The following FBF1 variants were observed in gnomAD, a reference collection of about 807,000 sequenced individuals.
The protein encoded by FBF1 is Fas binding factor 1, also known as fas-binding factor 1.
In FBF1, 119 loss-of-function variants were observed where a neutral mutation model predicts 147.2. That is an observed-to-expected ratio of 0.81 (90% CI 0.70 to 0.94). The LOEUF is 0.94. Among genes scored for constraint, FBF1 ranks in the 40% least tolerant of loss-of-function variants. FBF1 has a pLI of 0.00. For missense variants in FBF1, 1,449 were observed against 1,500.8 expected, an observed-to-expected ratio of 0.97 and a Z score of 0.57; for synonymous variants, 601 against 609.0, an observed-to-expected ratio of 0.99 and a Z score of 0.19.
chr17:75,926,175 G>A lies in FBF1; in HGVS notation c.735-12C>T, dbSNP rs761294477. On this transcript the variant is annotated splice_polypyrimidine_tract_variant and intron_variant, in intron 11 of 29. Coordinates refer to ENST00000636174, the MANE Select transcript of FBF1 (RefSeq NM_001319193.2). Reference sequence around the variant, plus strand: ...GGCGAGGCCCTTCCCTGCAGGACGGGACACACGGCAGGAACGTGTAGGTAT... The same window carrying A: ...GGCGAGGCCCTTCCCTGCAGGACGGAACACACGGCAGGAACGTGTAGGTAT... The A allele has an allele frequency of 5.0e-6, 8 of 1,606,838 alleles. No homozygotes were observed. Among genetic ancestry groups the A allele is most frequent in the Non-Finnish European group, 6.8e-6 (8 of 1,177,406 alleles).
intron 1 of FBF1, among the ~76,000 whole-genome samples, chr17:75,940,179 G>A (rs2065653310): frequency 6.6e-6 from 1 of 151,416 alleles, no homozygotes; most frequent in African/African-American, 2.4e-5. Context: ...CTGACCTCGT[G>A]ATCTGCCCGT....
At chr17:75,929,945 A>AGGGGGGGGGCCCCCCCC in intron 7 of FBF1, 52 bp downstream of exon 7, 1 of 650,912 alleles carries the variant, frequency 1.5e-6, no homozygotes. Context: ...AAATATCATG[A>AGGGGGGGGGCCCCCCCC]CCCCACCCCA....
Position 75,914,202 on chromosome 17 carries a change from G to C in FBF1, c.2911C>G (p.Leu971Val). The C allele has an allele frequency of 6.3e-7, 1 of 1,590,562 alleles. No individual in the cohort carries two copies. The highest frequency in any genetic ancestry group is 8.5e-7 in the Non-Finnish European group (1 of 1,171,070). The change falls in exon 26 of 30, where the codon CTG (leucine) becomes GTG (valine). Residue 971 changes from leucine to valine, a missense_variant. Leu to Val is a conservative substitution (Grantham distance 32, BLOSUM62 1). Coordinates refer to ENST00000636174, the MANE Select transcript of FBF1 (RefSeq NM_001319193.2). ...RAALEQERQE[L>V]RLEKERINAT... is the part of the protein sequence containing the mutation. ...TTGATCCTCTCCTTCTCCAGCCGCA[G>C]CTCCTGCCGCTCCTGCTCCAGGGCT... is the stretch of plus-strand genomic sequence containing the variant.
chr17:75,921,343 G>A (rs370626804), intron 16 of FBF1, 41 bp from the exon 17 acceptor site: 29 of 1,569,076 alleles, frequency 1.8e-5, no homozygotes, highest in Non-Finnish European at 2.2e-5. Flanking sequence ...GAGGCCCAGG[G>A]CACTGGGCCT....
chr17:75,929,842 G>A (rs773362912), intron 7 of FBF1, among the ~76,000 whole-genome samples, 155 bp downstream of exon 7: 3 of 152,124 alleles, frequency 2.0e-5, no homozygotes, highest in Admixed American at 6.5e-5. Flanking sequence ...GGAGGCCAAC[G>A]GCTCACAGAC....
At chr17:75,935,760 G>C (rs1015678307) in intron 3 of FBF1, 87 bp from the exon 4 acceptor site, 52 of 1,294,668 alleles carry the variant, frequency 4.0e-5, no homozygotes, top group Non-Finnish European at 5.3e-5. Flanking sequence ...GCCAGAAGGC[G>C]TCAGACCTTT....
chr17:75,927,407 C>G, intron 9 of FBF1, 48 bp downstream of exon 9: 1 of 1,519,158 alleles, frequency 6.6e-7, no homozygotes, highest in Non-Finnish European at 9.0e-7. Flanking sequence ...TAGGCTGCTC[C>G]ACTCCCAAAC....
intron 25 of FBF1, 31 bp downstream of exon 25, chr17:75,914,716 C>T (rs1338348757): frequency 3.3e-6 from 5 of 1,511,988 alleles, no homozygotes; most frequent in Non-Finnish European, 4.4e-6. Context: ...CAACCCTGGG[C>T]CCTCCACTGT....
chr17:75,914,442 G>C (rs1487792121), intron 25 of FBF1, 144 bp from the exon 26 acceptor site: 1 of 1,304,346 alleles, frequency 7.7e-7, no homozygotes, highest in Non-Finnish European at 1.0e-6. Flanking sequence ...AGAGAAGCCT[G>C]GGGCCAAGCC....
Position 75,918,205 on chromosome 17 carries a change from C to T in FBF1, c.2203G>A (p.Asp735Asn). Residue 735 changes from aspartate to asparagine, a missense_variant, in exon 21 of 30, where the codon GAC (aspartate) becomes AAC (asparagine). Physicochemically the swap from Asp to Asn is conservative, Grantham distance 23. Transcript: ENST00000636174. This position sits in a 1 kb window ranked among gnomAD's most constrained non-coding sequence, Gnocchi z 5.8. ...CTGGTGGCCGCATCGACCTCTCGGT[C>T]CTTCAGCAGCTTTAGCCGCTGCAGC... ...EQLQRLKLLK[D>N]REVDAATSAT... 6.2e-7 allele frequency: 1 copy of T among 1,613,446 alleles called. No individual in the cohort carries two copies. Among genetic ancestry groups the T allele is most frequent in the Non-Finnish European group, 8.5e-7 (1 of 1,179,866 alleles).
chr17:75,917,882 G>T, intron 22 of FBF1, 32 bp from the exon 23 acceptor site: 1 of 1,440,840 alleles, frequency 6.9e-7, no homozygotes, highest in Non-Finnish European at 9.1e-7. Flanking sequence ...CTCAGCAGCT[G>T]CTCCCCCTTC....
rs2065452448 is a variant in FBF1 at position 75,910,793 on chromosome 17, A to G, written c.3377T>C (p.Leu1126Ser). ...RHMAEQDRDF[L>S]ENEQFFLETL... ...CTCCAGGAAGAACTGTTCATTCTCCAAGAAGTCACGGTCCTGCAAGGCAGG... is the reference window on the plus strand; with the variant it reads ...CTCCAGGAAGAACTGTTCATTCTCCGAGAAGTCACGGTCCTGCAAGGCAGG... The change falls in exon 30 of 30, where the codon TTG (leucine) becomes TCG (serine). Residue 1126 changes from leucine (L) to serine (S), a missense_variant. Physicochemically the swap from Leu to Ser is moderately radical, Grantham distance 145. Transcript: ENST00000636174. This position sits in a 1 kb window ranked among gnomAD's most constrained non-coding sequence, Gnocchi z 4.1. 1 of 1,610,040 alleles carries G rather than the reference A, an allele frequency of 6.2e-7. No homozygotes were observed.
rs747560402 is a variant in FBF1, at chr17:75,919,807, C to T, written c.1999G>A (p.Glu667Lys). ...REERLRRENE[E>K]LSARYLSQCQ... ...TGCGACAGATACCGAGCTGACAGCTCTTCGTTCTCTCTCCGGAGCCGCTCC... is the reference window on the plus strand; with the variant it reads ...TGCGACAGATACCGAGCTGACAGCTTTTCGTTCTCTCTCCGGAGCCGCTCC... The change falls in exon 20 of 30, where the codon GAG (glutamate) becomes AAG (lysine). Residue 667 changes from glutamate to lysine, a missense_variant. Physicochemically the swap from Glu to Lys is moderately conservative, Grantham distance 56 (BLOSUM62 1). Coordinates refer to ENST00000636174, the MANE Select transcript of FBF1 (RefSeq NM_001319193.2). The surrounding 1 kb of genome is among the most constrained non-coding windows in gnomAD (Gnocchi z 5.0). The T allele has an allele frequency of 1.2e-6, 2 of 1,613,668 alleles. No homozygotes were observed. The highest frequency in any genetic ancestry group is 2.7e-5 in the African/African-American group (2 of 74,928).
At chr17:75,915,240 CTA>C (rs2065481818) in intron 23 of FBF1, 101 bp from the exon 24 acceptor site, 8 of 1,455,068 alleles carry the variant, frequency 5.5e-6, no homozygotes, top group Non-Finnish European at 7.3e-6. Context: ...GTCTCCCACA[CTA>C]TGCCACTGAC....
Position 75,923,310 on chromosome 17 carries a change from T to C in FBF1, c.1300A>G (p.Lys434Glu). Residue 434 changes from lysine (K) to glutamate (E), a missense_variant, in exon 14 of 30, where the codon AAA becomes GAA. Coordinates refer to ENST00000636174, the MANE Select transcript of FBF1 (RefSeq NM_001319193.2). The surrounding 1 kb of genome is among the most constrained non-coding windows in gnomAD (Gnocchi z 4.1). ...ASKLRASKEE[K>E]EDWLSHALSR... Reference sequence around the variant, plus strand: ...AGGGCATGGCTCAGCCAGTCCTCTTTCTCCTCCTTGGAGGCTCGCAGCTTG... The same window carrying C: ...AGGGCATGGCTCAGCCAGTCCTCTTCCTCCTCCTTGGAGGCTCGCAGCTTG... 6.3e-7 allele frequency: 1 copy of C among 1,596,084 alleles called. No homozygotes were observed. The highest frequency in any genetic ancestry group is 8.5e-7 in the Non-Finnish European group (1 of 1,171,754).
chr17:75,931,002 G>A (rs2065591043), intron 6 of FBF1, among the ~76,000 whole-genome samples: 1 of 152,230 alleles, frequency 6.6e-6, no homozygotes, highest in Non-Finnish European at 1.5e-5. Flanking sequence ...GGCTGAGGCA[G>A]GAGAATTGCT....
intron 17 of FBF1, among the ~76,000 whole-genome samples, chr17:75,920,748 G>A (rs183127472): frequency 6.6e-6 from 1 of 151,886 alleles, no homozygotes; most frequent in East Asian, 1.9e-4. Flanking sequence ...GGCTTTTCCT[G>A]TCAGGCCTGA....
At chr17:75,929,402 G>T (rs1217656000) in intron 7 of FBF1, among the ~76,000 whole-genome samples, 1 of 152,100 alleles carries the variant, frequency 6.6e-6, no homozygotes, top group Non-Finnish European at 1.5e-5. Flanking sequence ...CAAAAACGCG[G>T]CTTTGTCCTA....
intron 29 of FBF1, among the ~76,000 whole-genome samples, chr17:75,911,099 G>GGGCTGTGTGAGGGTAAAAGCTT (rs2065454397): frequency 6.6e-6 from 1 of 152,114 alleles, no homozygotes; most frequent in African/African-American, 2.4e-5. Flanking sequence ...CTTCCTTGCA[G>GGGCTGTGTGAGGGTAAAAGCTT]GGCTGTGTGA....
Sources: allele counts gnomAD v4.1 joint callset (sites outside exome capture counted in the v4.1 genomes callset), GRCh38; gene constraint gnomAD v4.1.1; non-coding constraint Gnocchi (gnomAD v3.1); transcripts MANE v1.5; gene names NCBI Gene and HGNC (gene_info 2026-07-23, HGNC 2026-07-21).